Variants in MICU1 observed in about 807,000 individuals in gnomAD.
The protein encoded by MICU1 is calcium uptake protein 1, mitochondrial.
Under a neutral mutation model 56.8 loss-of-function variants are expected in MICU1, and 45 were observed. That is an observed-to-expected ratio of 0.79 (90% confidence interval 0.62 to 1.02). MICU1 has a LOEUF of 1.02. Ranked by LOEUF, MICU1 falls within the 50% of genes least tolerant of loss-of-function variation. The pLI, the probability that MICU1 is intolerant of heterozygous loss-of-function variation, is 0.00. For synonymous variants in MICU1, 186 were observed against 195.1 expected, an observed-to-expected ratio of 0.95 and a Z score of 0.39; for missense variants, 504 against 587.1, an observed-to-expected ratio of 0.86 and a Z score of 1.46.
intron 6 of MICU1, among the ~76,000 whole-genome samples, chr10:72,504,240 C>T (rs1402649540): frequency 6.6e-6 from 1 of 152,096 alleles, no homozygotes; most frequent in East Asian, 1.9e-4. Context: ...TATAAAGCTA[C>T]AGTAACCAAA....
intron 10 of MICU1, among the ~76,000 whole-genome samples, chr10:72,398,540 A>T (rs1004359160): frequency 7.2e-5 from 11 of 152,066 alleles, no homozygotes; most frequent in African/African-American, 1.4e-4. Flanking sequence ...ATTGATAGAC[A>T]GCTAGCAAGA....
chr10:72,444,734 C>A (rs1299201499), intron 8 of MICU1, among the ~76,000 whole-genome samples: 2 of 152,194 alleles, frequency 1.3e-5, no homozygotes, highest in Non-Finnish European at 2.9e-5. Context: ...CAGGCGTGAG[C>A]CACCATGCCC....
chr10:72,497,349 C>T (rs913060846), intron 6 of MICU1, among the ~76,000 whole-genome samples: 11 of 152,102 alleles, frequency 7.2e-5, no homozygotes, highest in East Asian at 3.9e-4. Flanking sequence ...TGAGCCACCA[C>T]GCCCAGCCCA....
intron 11 of MICU1, among the ~76,000 whole-genome samples, chr10:72,371,056 A>ATATG (rs150935535): frequency 0.029 from 4,347 of 151,742 alleles, 184 homozygotes; most frequent in African/African-American, 0.1. Context: ...GTACTTTTCC[A>ATATG]TATATTATAT....
chr10:72,447,618 G>A (rs1865145321), intron 8 of MICU1, among the ~76,000 whole-genome samples: 1 of 151,910 alleles, frequency 6.6e-6, no homozygotes, highest in Non-Finnish European at 1.5e-5. Flanking sequence ...GTTTTCTATA[G>A]GAACAATTTC....
At chr10:72,571,113 C>T (rs1314889831) in intron 1 of MICU1, among the ~76,000 whole-genome samples, 1 of 152,160 alleles carries the variant, frequency 6.6e-6, no homozygotes, top group Admixed American at 6.5e-5. Flanking sequence ...CCTGTAATCC[C>T]AGCACTTTGG....
chr10:72,379,897 A>C (rs972171117), intron 10 of MICU1, among the ~76,000 whole-genome samples: 2 of 152,150 alleles, frequency 1.3e-5, no homozygotes, highest in Non-Finnish European at 2.9e-5. Context: ...TTCCTGGTAC[A>C]AGATCCTCAT....
At chr10:72,616,080 A>C (rs754820412) in intron 1 of MICU1, among the ~76,000 whole-genome samples, 6 of 152,222 alleles carry the variant, frequency 3.9e-5, no homozygotes, top group Non-Finnish European at 5.9e-5. Flanking sequence ...AAACTGTTTT[A>C]AATCCCTCTT....
Position 72,569,206 on chromosome 10 carries a change from C to CATATATATAT in MICU1, c.-1-2422_-1-2413dup, listed in dbSNP as rs1211580394. Among the ~76,000 whole-genome samples the CATATATATAT allele has an allele frequency of 4.4e-5, 3 of 68,056 alleles. 1 individual carries two copies. The highest frequency in any genetic ancestry group is 7.8e-5 in the Non-Finnish European group (3 of 38,560). The allele number at this position is 68,056 out of a possible 152,430, so 44.6% of individuals were successfully genotyped here. On this transcript the variant is annotated intron_variant, in intron 1 of 11. Transcript: ENST00000361114. ...ATACATTTCTAAAATCATATATATG[C>CATATATATAT]ATATATATATATATATATATATATA...
At chr10:72,562,526 T>C (rs192772381) in intron 3 of MICU1, among the ~76,000 whole-genome samples, 2 of 152,330 alleles carry the variant, frequency 1.3e-5, no homozygotes, top group South Asian at 2.1e-4. Flanking sequence ...CTAGAAGTTA[T>C]GTTTCCAAAG....
chr10:72,479,791 T>A (rs1866234850), intron 6 of MICU1, among the ~76,000 whole-genome samples: 1 of 152,134 alleles, frequency 6.6e-6, no homozygotes, highest in Non-Finnish European at 1.5e-5. Context: ...CTCCCCAAGG[T>A]GCTAGGATTA....
intron 8 of MICU1, among the ~76,000 whole-genome samples, chr10:72,426,693 C>T (rs148566160): frequency 5.9e-5 from 9 of 152,190 alleles, no homozygotes; most frequent in East Asian, 5.8e-4. Context: ...CCACAGCACC[C>T]GGCCTGAATT....
intron 10 of MICU1, among the ~76,000 whole-genome samples, chr10:72,405,021 C>T (rs1370970698): frequency 6.6e-6 from 1 of 152,152 alleles, no homozygotes; most frequent in Admixed American, 6.5e-5. Flanking sequence ...ATTCTCCTGC[C>T]TCAGCCTCCC....
At chr10:72,502,925 C>T (rs749513107) in intron 6 of MICU1, 5 of 177,436 alleles carry the variant, frequency 2.8e-5, no homozygotes, top group Admixed American at 6.0e-5. Flanking sequence ...CCAGCCTTTC[C>T]GTAGTTCAGC....
At chr10:72,398,527 A>T (rs184712281) in intron 10 of MICU1, among the ~76,000 whole-genome samples, 3,058 of 152,284 alleles carry the variant, frequency 0.02, 42 homozygotes, top group Non-Finnish European at 0.029. Flanking sequence ...AAAGATCAAC[A>T]AAATTGATAG....
intron 10 of MICU1, among the ~76,000 whole-genome samples, chr10:72,404,989 A>G (rs1208906416): frequency 6.6e-6 from 1 of 151,924 alleles, no homozygotes; most frequent in African/African-American, 2.4e-5. Flanking sequence ...TCACTGCAAC[A>G]TCCATCTCCC....
rs183329558 is a variant in MICU1 at position 72,536,461 on chromosome 10, C to T, written c.494-2672G>A. ...TCCTGGGTTCAAGCGATTCTCCTGC[C>T]TTAGCCTCCTGAGTAGCTGGGACTA... On this transcript the variant is annotated intron_variant, in intron 4 of 11. Transcript: ENST00000361114. Among the ~76,000 whole-genome samples, 432 of 152,134 alleles carry T rather than the reference C, an allele frequency of 2.8e-3. 2 individuals are homozygous for T. The highest frequency in any genetic ancestry group is 9.9e-3 in the African/African-American group (409 of 41,504).
intron 11 of MICU1, among the ~76,000 whole-genome samples, chr10:72,374,459 T>C (rs1345585881): frequency 6.6e-6 from 1 of 152,166 alleles, no homozygotes; most frequent in East Asian, 1.9e-4. Flanking sequence ...AAGTTCAACT[T>C]AATAACATAA....
At chr10:72,529,692 A>C (rs1048812538) in intron 5 of MICU1, among the ~76,000 whole-genome samples, 1 of 152,166 alleles carries the variant, frequency 6.6e-6, no homozygotes, top group Non-Finnish European at 1.5e-5. Flanking sequence ...GCTACAAACC[A>C]CTTGAAATAA....
Sources: gnomAD v4.1 joint callset for allele counts (sites outside exome capture counted in the v4.1 genomes callset) on GRCh38, gnomAD v4.1.1 for gene constraint, MANE v1.5 for transcripts, NCBI Gene and HGNC (gene_info 2026-07-23, HGNC 2026-07-21) for gene names.